The following APOL3 variants were observed in gnomAD, a reference collection of about 807,000 sequenced individuals.
The protein encoded by APOL3 is TNF-inducible protein CG12-1.
Under a neutral mutation model 11.6 loss-of-function variants are expected in APOL3, and 14 were observed. That is an observed-to-expected ratio of 1.21 (90% CI 0.80 to 1.89). APOL3 has a LOEUF of 1.89. Among genes scored for constraint, APOL3 ranks in the 40% most tolerant of loss-of-function variants. The probability of loss-of-function intolerance (pLI) is 0.00; values close to 1 mark genes in which losing one functional copy is unlikely to be tolerated. For missense variants in APOL3, 483 were observed against 492.1 expected (o/e 0.98, Z 0.17); for synonymous variants, 192 against 190.6 (o/e 1.01, Z -0.06).
Position 36,141,204 on chromosome 22 carries a change from T to C in APOL3, c.1205A>G (p.His402Arg), listed in dbSNP as rs756448508. ...GCTGGCTGCACTGGTCTGGGGTCAG[T>C]GGGTATGGCATGGATTCAGACGCTG... is the stretch of plus-strand genomic sequence containing the variant. The change falls in exon 3 of 3, where the codon CAC (histidine) becomes CGC (arginine). Residue 402 changes from histidine (H) to arginine (R), a missense_variant. Transcript: ENST00000349314. The C allele has an allele frequency of 5.1e-5, 83 of 1,612,212 alleles. No homozygotes were observed. Among genetic ancestry groups the C allele is most frequent in the Non-Finnish European group, 6.7e-5 (79 of 1,178,962 alleles).
At chr22:36,144,157 G>A (rs992301878) in intron 2 of APOL3, among the ~76,000 whole-genome samples, 20 of 152,086 alleles carry the variant, frequency 1.3e-4, no homozygotes, top group Non-Finnish European at 2.8e-4. Flanking sequence ...AATCAGGGAG[G>A]GAAGAAATAT....
chr22:36,151,093 C>T (rs189299384), intron 1 of APOL3, among the ~76,000 whole-genome samples: 37 of 152,240 alleles, frequency 2.4e-4, no homozygotes, highest in African/African-American at 8.9e-4. Context: ...ACCAGCCCCA[C>T]GACCCATACA....
intron 1 of APOL3, among the ~76,000 whole-genome samples, chr22:36,150,391 C>A (rs1331380785): frequency 6.6e-6 from 1 of 152,196 alleles, no homozygotes; most frequent in African/African-American, 2.4e-5. Flanking sequence ...TAATAACTCA[C>A]AGTCCTCTTC....
At chr22:36,146,932 G>A (rs2060242992) in intron 1 of APOL3, among the ~76,000 whole-genome samples, 1 of 152,212 alleles carries the variant, frequency 6.6e-6, no homozygotes, top group Admixed American at 6.5e-5. Context: ...GTATGCACTG[G>A]GACATGAGGT....
chr22:36,152,765 A>G (rs575460899), intron 1 of APOL3, among the ~76,000 whole-genome samples: 2 of 152,140 alleles, frequency 1.3e-5, no homozygotes, highest in Non-Finnish European at 2.9e-5. Context: ...CTCTCACTCT[A>G]TTTCATCTGC....
chr22:36,148,781 C>A (rs1011103625), intron 1 of APOL3, among the ~76,000 whole-genome samples: 3 of 152,182 alleles, frequency 2.0e-5, no homozygotes, highest in African/African-American at 7.2e-5. Context: ...GGCTGTGGTG[C>A]CCCACTTGAG....
intron 2 of APOL3, among the ~76,000 whole-genome samples, chr22:36,145,016 A>AAAAAAAAAAG (rs1389708077): frequency 3.0e-5 from 4 of 131,512 alleles, no homozygotes; most frequent in African/African-American, 6.0e-5. Flanking sequence ...TCTCAAAAAA[A>AAAAAAAAAAG]AAAAAAAAAG....
intron 1 of APOL3, among the ~76,000 whole-genome samples, chr22:36,152,880 G>A (rs1235314262): frequency 6.6e-6 from 1 of 152,180 alleles, no homozygotes; most frequent in Non-Finnish European, 1.5e-5. Context: ...AAGCTGAGGT[G>A]GGTGGATCAC....
chr22:36,164,762 T>G (rs2013817261), upstream of APOL3: 1 of 152,178 alleles, frequency 6.6e-6, no homozygotes, highest in African/African-American at 2.4e-5. Context: ...TCGGGCAAAA[T>G]CATTGCAAAA....
At chr22:36,141,000 A>G in exon 3 of APOL3, 2 of 700,410 alleles carry the variant, frequency 2.9e-6, no homozygotes, top group South Asian at 3.9e-5. Flanking sequence ...TCCAGGCTCC[A>G]GCATTCCTGC....
chr22:36,154,721 T>C (rs149268671), intron 1 of APOL3: 32 of 457,530 alleles, frequency 7.0e-5, no homozygotes, highest in African/African-American at 5.4e-4. Flanking sequence ...GACTTCATAA[T>C]ACTGTCTAAG....
chr22:36,159,262 C>T (rs1480177553), intron 1 of APOL3: 1 of 152,160 alleles, frequency 6.6e-6, no homozygotes, highest in Admixed American at 6.6e-5. Context: ...CACCTCACCC[C>T]AGATGGGGTC....
intron 1 of APOL3, among the ~76,000 whole-genome samples, chr22:36,157,202 G>A (rs1466558883): frequency 1.3e-5 from 2 of 152,092 alleles, no homozygotes; most frequent in East Asian, 1.9e-4. Context: ...TGGTTTCCAA[G>A]CCTCCCCTCC....
At chr22:36,141,621 A>G (rs2059993552) in exon 3 of APOL3, 1 of 1,614,096 alleles carries the variant, frequency 6.2e-7, no homozygotes, top group Non-Finnish European at 8.5e-7. Flanking sequence ...AAATACCTTC[A>G]ATCGGTCAAT....
At chr22:36,155,155 C>G (rs1451870622) in intron 1 of APOL3, among the ~76,000 whole-genome samples, 1 of 152,196 alleles carries the variant, frequency 6.6e-6, no homozygotes, top group Non-Finnish European at 1.5e-5. Flanking sequence ...GAGGCAACAA[C>G]AAGCCCAGGC....
intron 1 of APOL3, chr22:36,149,423 A>G (rs1285039466): frequency 7.7e-7 from 1 of 1,292,432 alleles, no homozygotes; most frequent in Non-Finnish European, 1.0e-6. Flanking sequence ...ACATCTGATA[A>G]TCACAGAAAC....
chr22:36,155,217 C>T (rs2012558051), intron 1 of APOL3, among the ~76,000 whole-genome samples: 1 of 152,186 alleles, frequency 6.6e-6, no homozygotes, highest in African/African-American at 2.4e-5. Context: ...TGGCTCCAAG[C>T]AGGCCCCTAT....
upstream of APOL3, among the ~76,000 whole-genome samples, chr22:36,161,985 A>T (rs1233245314): frequency 2.0e-5 from 3 of 151,972 alleles, no homozygotes; most frequent in African/African-American, 7.3e-5. Flanking sequence ...AGCACCAGGG[A>T]GTGATGGCCC....
chr22:36,163,610 C>A (rs2013787193), upstream of APOL3, among the ~76,000 whole-genome samples: 1 of 152,248 alleles, frequency 6.6e-6, no homozygotes, highest in African/African-American at 2.4e-5. Context: ...GGTCTCCATG[C>A]TGGGCACAGC....
Sources: allele counts gnomAD v4.1 joint callset (sites outside exome capture counted in the v4.1 genomes callset), GRCh38; gene constraint gnomAD v4.1.1; transcripts MANE v1.5; gene names NCBI Gene and HGNC (gene_info 2026-07-23, HGNC 2026-07-21).